The following ABR variants were observed in gnomAD, a reference collection of about 807,000 sequenced individuals.
The protein encoded by ABR is active breakpoint cluster region-related protein.
In ABR, 35 loss-of-function variants were observed where a neutral mutation model predicts 107.2. That is an observed-to-expected ratio of 0.33 (90% CI 0.25 to 0.43). The LOEUF (loss-of-function observed/expected upper bound fraction) is 0.43. ABR is among the 20% of genes least tolerant of loss of function. The pLI is 1.00. For synonymous variants in ABR, 498 were observed against 462.0 expected, an observed-to-expected ratio of 1.08 and a Z score of -1.00; for missense variants, 815 against 1,115.2, an observed-to-expected ratio of 0.73 and a Z score of 3.83.
chr17:1,149,206 AT>A (rs1244004266), intron 1 of ABR, among the ~76,000 whole-genome samples: 2 of 151,814 alleles, frequency 1.3e-5, no homozygotes, highest in Non-Finnish European at 2.9e-5. Context: ...CGCCCGGCCT[AT>A]TTTGCCATAA....
chr17:1,040,054 C>T (rs920919192), intron 16 of ABR, among the ~76,000 whole-genome samples: 1 of 152,258 alleles, frequency 6.6e-6, no homozygotes, highest in East Asian at 1.9e-4. Context: ...GTGGCCCACG[C>T]GTGAGGCCTG....
chr17:1,050,462 T>C lies in ABR; in HGVS notation c.1659+75A>G. On this transcript the variant is annotated intron_variant, in intron 15 of 22. Transcript: ENST00000302538. The surrounding 1 kb of genome is among the most constrained non-coding windows in gnomAD (Gnocchi z 4.6). ...GACATAGCTGGTCCAACCAATGGGC[T>C]GGCCGTCCCCAGCAGACAAGCCACG... 7.2e-7 allele frequency: 1 copy of C among 1,385,170 alleles called. No individual in the cohort carries two copies. The highest frequency in any genetic ancestry group is 1.2e-5 in the South Asian group (1 of 86,472). 85.8% of individuals were successfully genotyped at this position (1,385,170 alleles called of 1,614,324 possible). A position where few individuals can be genotyped will look rare whatever the true frequency, so the allele number is the denominator to read the frequency against.
intron 16 of ABR, among the ~76,000 whole-genome samples, chr17:1,040,100 G>A (rs1391595019): frequency 1.1e-4 from 17 of 152,170 alleles, no homozygotes; most frequent in South Asian, 6.2e-4. Context: ...GTTACCGGCC[G>A]TCGATCATCT....
At chr17:1,039,795 G>A (rs1449214263) in intron 16 of ABR, among the ~76,000 whole-genome samples, 1 of 152,172 alleles carries the variant, frequency 6.6e-6, no homozygotes, top group African/African-American at 2.4e-5. Context: ...GCAAGCAGCA[G>A]GGAGGCGGAA....
chr17:1,179,974 C>T lies in ABR; in HGVS notation c.-247G>A, dbSNP rs1048768650. On this transcript the variant is annotated 5_prime_UTR_variant, in exon 1 of 23. Transcript: ENST00000302538. The surrounding 1 kb of genome is among the most constrained non-coding windows in gnomAD (Gnocchi z 4.9). ...CGAGCCCAGCTGCGGATCCCGGAAC[C>T]GATGAGCAACTTCGCGGGGGGCGGG... The T allele has an allele frequency of 5.9e-6, 1 of 169,254 alleles. No individual in the cohort carries two copies. The highest frequency in any genetic ancestry group is 1.2e-5 in the Non-Finnish European group (1 of 85,566). 10.5% of individuals were successfully genotyped at this position (169,254 alleles called of 1,614,324 possible). A position where few individuals can be genotyped will look rare whatever the true frequency, so the allele number is the denominator to read the frequency against.
At chr17:1,177,357 A>G (rs912061433) in intron 1 of ABR, among the ~76,000 whole-genome samples, 1 of 152,148 alleles carries the variant, frequency 6.6e-6, no homozygotes, top group East Asian at 1.9e-4. Context: ...CTGCGGCCAC[A>G]TCAGTGCCCC....
chr17:1,132,779 A>C (rs868155864), intron 1 of ABR, among the ~76,000 whole-genome samples: 1 of 152,364 alleles, frequency 6.6e-6, no homozygotes, highest in Middle Eastern at 3.4e-3. Context: ...ACAAATATTC[A>C]AAATGCATTA....
In ABR at chr17:1,011,497, G is replaced by A. The variant is rs1483921794; in HGVS notation, c.2101+349C>T. 1.6e-5 allele frequency: 3 copies of A among 184,824 alleles called. No individual in the cohort carries two copies. Among genetic ancestry groups the A allele is most frequent in the Admixed American group, 1.1e-4 (2 of 18,086 alleles). The allele number at this position is 184,824 out of a possible 1,614,324, so 11.4% of individuals were successfully genotyped here. A position where few individuals can be genotyped will look rare whatever the true frequency, so the allele number is the denominator to read the frequency against. ...GAGGGGACCTGGGGCCCTGGAGACA[G>A]CAGGTGCAGGCTCAAAGCTCTTTCC... is the stretch of plus-strand genomic sequence containing the variant. On this transcript the variant is annotated intron_variant, in intron 19 of 22. Coordinates refer to ENST00000302538, the MANE Select transcript of ABR (RefSeq NM_021962.5). This position sits in a 1 kb window ranked among gnomAD's most constrained non-coding sequence, Gnocchi z 4.8.
chr17:1,146,645 TGCCACATGCCACCACTGCCACCAG>T, intron 1 of ABR, among the ~76,000 whole-genome samples: 1 of 143,138 alleles, frequency 7.0e-6, no homozygotes, highest in East Asian at 2.2e-4. Flanking sequence ...ATGCCACCAC[TGCCACATGCCACCACTGCCACCAG>T]GCCACCACTG....
chr17:1,049,805 C>G (rs1313146101), intron 16 of ABR, among the ~76,000 whole-genome samples: 1 of 152,236 alleles, frequency 6.6e-6, no homozygotes, highest in Non-Finnish European at 1.5e-5. Flanking sequence ...GAAAACAAAG[C>G]TGGTTGTTTC....
chr17:1,162,901 G>A (rs373564446), intron 1 of ABR, among the ~76,000 whole-genome samples: 58 of 152,142 alleles, frequency 3.8e-4, no homozygotes, highest in African/African-American at 1.1e-3. Context: ...GTGAAACCCC[G>A]TCTCTAATAA....
intron 16 of ABR, among the ~76,000 whole-genome samples, chr17:1,028,306 C>T (rs924076411): frequency 1.3e-4 from 19 of 150,724 alleles, no homozygotes; most frequent in East Asian, 3.9e-4. Flanking sequence ...ACCATGTTGG[C>T]CAGGCTGGTC....
intron 2 of ABR, among the ~76,000 whole-genome samples, chr17:1,123,031 C>T (rs1239778139): frequency 3.9e-5 from 6 of 152,310 alleles, no homozygotes; most frequent in East Asian, 3.9e-4. Flanking sequence ...GCAGAAACCT[C>T]GGTCTTTTAT....
intron 2 of ABR, chr17:1,108,846 T>A: frequency 7.0e-7 from 1 of 1,421,492 alleles, no homozygotes; most frequent in Non-Finnish European, 9.2e-7. Context: ...GGCCGCGCGC[T>A]CTGCGCCCGC....
intron 2 of ABR, among the ~76,000 whole-genome samples, chr17:1,101,748 T>C (rs1354572712): frequency 6.6e-6 from 1 of 151,804 alleles, no homozygotes; most frequent in Non-Finnish European, 1.5e-5. Flanking sequence ...TTTTTTTTTT[T>C]TTAGAGACGG....
chr17:1,176,999 T>C (rs1266992774), intron 1 of ABR, among the ~76,000 whole-genome samples: 1 of 152,028 alleles, frequency 6.6e-6, no homozygotes, highest in Non-Finnish European at 1.5e-5. Flanking sequence ...GCAGGGAACC[T>C]CTAACACCGA....
chr17:1,147,400 G>A (rs1172039108), intron 1 of ABR, among the ~76,000 whole-genome samples: 35 of 150,314 alleles, frequency 2.3e-4, no homozygotes, highest in Non-Finnish European at 3.7e-4. Context: ...TCACTCTGTC[G>A]CCCAGCCTGG....
At chr17:1,100,476 G>A (rs1423724774) in intron 3 of ABR, among the ~76,000 whole-genome samples, 161 bp downstream of exon 3, 1 of 152,238 alleles carries the variant, frequency 6.6e-6, no homozygotes, top group East Asian at 1.9e-4. Flanking sequence ...GACCCGGGCT[G>A]CCCGATGCCC....
rs138287625 is a variant in ABR, at chr17:1,195,758, C to T, written c.838+33035G>A. ...GGCAAAGGTTGCAGTGAGCCGAGAT[C>T]GTGTCACTGCACTCCAGCCTGCGCA... On this transcript the variant is annotated intron_variant, in intron 1 of 22. Coordinates refer to the ABR transcript ENST00000574139. Among the ~76,000 whole-genome samples the T allele has an allele frequency of 6.8e-5, 10 of 148,146 alleles. No homozygotes were observed. The East Asian group carries it at 1.6e-3, about 24-fold the overall frequency.
Sources: allele counts gnomAD v4.1 joint callset (sites outside exome capture counted in the v4.1 genomes callset), GRCh38; gene constraint gnomAD v4.1.1; non-coding constraint Gnocchi (gnomAD v3.1); transcripts MANE v1.5; gene names NCBI Gene and HGNC (gene_info 2026-07-23, HGNC 2026-07-21).